The following FRMPD4 variants were observed in gnomAD, a reference collection of about 807,000 sequenced individuals.
The protein encoded by FRMPD4 is FERM and PDZ domain containing 4.
Under a neutral mutation model 94.1 loss-of-function variants are expected in FRMPD4, and 22 were observed. That is an observed-to-expected ratio of 0.23 (90% confidence interval 0.17 to 0.33). The LOEUF is 0.33. Among genes scored for constraint, FRMPD4 ranks in the 10% least tolerant of loss-of-function variants. The pLI is 1.00. For synonymous variants in FRMPD4, 631 were observed against 548.6 expected (o/e 1.15, Z -2.10); for missense variants, 1,111 against 1,339.9 (o/e 0.83, Z 2.67).
intron 1 of FRMPD4, among the ~76,000 whole-genome samples, chrX:12,367,254 T>G (rs1406088747): frequency 9.0e-6 from 1 of 111,710 alleles, no homozygotes; most frequent in Admixed American, 9.5e-5. Context: ...CTTTTTGCCC[T>G]TTCTAAATAC....
At chrX:12,307,054 A>G (rs765994804) in intron 1 of FRMPD4, among the ~76,000 whole-genome samples, 2 of 112,542 alleles carry the variant, frequency 1.8e-5, no homozygotes, top group East Asian at 5.6e-4. Flanking sequence ...ATTTGGCTGA[A>G]TGAACACAAA....
chrX:12,591,709 G>A lies in FRMPD4; in HGVS notation c.159-18012G>A, dbSNP rs180695850. 1.5e-3 allele frequency among the ~76,000 whole-genome samples: 168 copies of A among 111,581 alleles called. 3 individuals are homozygous for A. The highest frequency in any genetic ancestry group is 0.014 in the Admixed American group (148 of 10,478). On this transcript the variant is annotated intron_variant, in intron 2 of 16. Transcript: ENST00000675598. ...TCTGCCAAACCTCGATCTAAATAAC[G>A]TGCTTAATTTTGTATTTCTAGGCTT... is the stretch of plus-strand genomic sequence containing the variant.
At chrX:12,239,909 C>G (rs2057110458) in intron 1 of FRMPD4, among the ~76,000 whole-genome samples, 1 of 112,027 alleles carries the variant, frequency 8.9e-6, no homozygotes, top group Non-Finnish European at 1.9e-5. Flanking sequence ...CTCATGACCT[C>G]ATCGCCTTTC....
At chrX:11,965,233 A>G (rs753739517) in intron 3 of FRMPD4, among the ~76,000 whole-genome samples, 1 of 112,003 alleles carries the variant, frequency 8.9e-6, no homozygotes, top group Non-Finnish European at 1.9e-5. Flanking sequence ...CACATGCCCT[A>G]TTTTCCAAAT....
intron 14 of FRMPD4, among the ~76,000 whole-genome samples, chrX:12,710,872 CTCCAA>C (rs1295164737): frequency 9.0e-6 from 1 of 110,863 alleles, no homozygotes; most frequent in African/African-American, 3.3e-5. Flanking sequence ...CACCACTGCA[CTCCAA>C]TCTGGGTGAC....
In FRMPD4 at chrX:12,288,436, C is replaced by T. The variant is rs191316376; in HGVS notation, c.41+149424C>T. 1.3e-4 allele frequency among the ~76,000 whole-genome samples: 15 copies of T among 111,476 alleles called. No homozygotes were observed. In the Admixed American group the frequency reaches 1.4e-3, roughly 11 times the overall value. ...CAACAAATATCCCCCCTCAAACATCCTTAATTATAACACTAATGCTTGGGT... is the reference window on the plus strand; with the variant it reads ...CAACAAATATCCCCCCTCAAACATCTTTAATTATAACACTAATGCTTGGGT... On this transcript the variant is annotated intron_variant, in intron 1 of 16. Coordinates refer to ENST00000675598, the MANE Select transcript of FRMPD4 (RefSeq NM_001368397.1).
At chrX:12,526,656 G>T (rs1051931433) in intron 2 of FRMPD4, among the ~76,000 whole-genome samples, 10 of 112,078 alleles carry the variant, frequency 8.9e-5, no homozygotes, top group Non-Finnish European at 1.7e-4. Context: ...GTAGCCATCT[G>T]GTGGTCAAAT....
At chrX:12,453,661 C>A (rs2057299005) in intron 1 of FRMPD4, among the ~76,000 whole-genome samples, 1 of 111,512 alleles carries the variant, frequency 9.0e-6, no homozygotes, top group Non-Finnish European at 1.9e-5. Context: ...ACACTATATT[C>A]TATCGTTTAT....
intron 1 of FRMPD4, among the ~76,000 whole-genome samples, chrX:12,141,622 T>C (rs2055692376): frequency 9.0e-6 from 1 of 111,349 alleles, no homozygotes. Flanking sequence ...TGCTGGTAAG[T>C]AGTTGGCACC....
chrX:12,348,736 G>A (rs2055754749), intron 1 of FRMPD4, among the ~76,000 whole-genome samples: 1 of 111,937 alleles, frequency 8.9e-6, no homozygotes, highest in Non-Finnish European at 1.9e-5. Flanking sequence ...TGTAGGCTAA[G>A]GCTGGTCTTA....
intron 1 of FRMPD4, among the ~76,000 whole-genome samples, chrX:11,862,499 TAGG>T (rs1180256700): frequency 8.9e-6 from 1 of 111,905 alleles, no homozygotes; most frequent in East Asian, 2.8e-4. Flanking sequence ...AGAAGTGGTA[TAGG>T]AGTGTTGGCT....
intron 3 of FRMPD4, among the ~76,000 whole-genome samples, chrX:12,070,007 A>T (rs768815479): frequency 8.9e-6 from 1 of 111,837 alleles, no homozygotes; most frequent in Admixed American, 9.5e-5. Context: ...TTCTAAAGAC[A>T]AACAAAGAAA....
At chrX:11,872,647 G>A (rs1228584435) in intron 2 of FRMPD4, among the ~76,000 whole-genome samples, 1 of 112,120 alleles carries the variant, frequency 8.9e-6, no homozygotes, top group Non-Finnish European at 1.9e-5. Context: ...CAAAATGCAA[G>A]CAGGCTGCTC....
chrX:12,629,050 A>G (rs2059372788), intron 4 of FRMPD4, among the ~76,000 whole-genome samples: 1 of 111,911 alleles, frequency 8.9e-6, no homozygotes, highest in Non-Finnish European at 1.9e-5. Context: ...CAAGAAATGT[A>G]TGGGGGAAAC....
chrX:12,464,533 A>C (rs2057428934), intron 1 of FRMPD4, among the ~76,000 whole-genome samples: 1 of 112,038 alleles, frequency 8.9e-6, no homozygotes, highest in South Asian at 3.7e-4. Context: ...TTTTCTTTGA[A>C]GTTAATTTTA....
Position 12,124,066 on chromosome X carries a change from T to G in FRMPD4, c.95+246048T>G, listed in dbSNP as rs190197899. ...CCTGGTACATCTCATGACCCTTCCT[T>G]TCCTAGGGACTTTACACATACTAAT... On this transcript the variant is annotated intron_variant, in intron 3 of 18. Coordinates refer to the FRMPD4 transcript ENST00000640291. Among the ~76,000 whole-genome samples, 46 of 111,426 alleles carry G rather than the reference T, an allele frequency of 4.1e-4. No homozygotes were observed. In the South Asian group the frequency reaches 0.012, roughly 30 times the overall value.
intron 3 of FRMPD4, among the ~76,000 whole-genome samples, chrX:12,005,224 A>T (rs1278843595): frequency 9.2e-6 from 1 of 108,427 alleles, no homozygotes; most frequent in Non-Finnish European, 1.9e-5. Flanking sequence ...GGTAAAACAC[A>T]GACTGCTGGA....
chrX:12,359,986 A>G (rs945062745), intron 1 of FRMPD4, among the ~76,000 whole-genome samples: 58 of 111,995 alleles, frequency 5.2e-4, no homozygotes, highest in African/African-American at 1.8e-3. Context: ...GAGCCTGTGA[A>G]TCACGCTTGA....
At chrX:12,154,644 C>A (rs2055907003) in intron 1 of FRMPD4, among the ~76,000 whole-genome samples, 1 of 112,763 alleles carries the variant, frequency 8.9e-6, no homozygotes, top group Non-Finnish European at 1.9e-5. Context: ...CCCTAAATAG[C>A]TACTATGTTT....
Sources: allele counts gnomAD v4.1 joint callset (sites outside exome capture counted in the v4.1 genomes callset), GRCh38; gene constraint gnomAD v4.1.1; transcripts MANE v1.5; gene names NCBI Gene and HGNC (gene_info 2026-07-23, HGNC 2026-07-21).